Variants in NIPA2 observed in about 807,000 individuals in gnomAD.
The protein encoded by NIPA2 is NIPA magnesium transporter 2.
In NIPA2, 11 loss-of-function variants were observed where a neutral mutation model predicts 29.7. The ratio of observed to expected loss-of-function variants is 0.37; its 90% CI spans 0.23 to 0.61. NIPA2 has a LOEUF of 0.61. NIPA2 is among the 20% of genes least tolerant of loss of function. The pLI is 0.66. For missense variants in NIPA2, 426 were observed against 437.9 expected (o/e 0.97, Z 0.24); for synonymous variants, 183 against 161.9 (o/e 1.13, Z -0.99).
chr15:22,859,208 A>C (rs539542596), intron 6 of NIPA2, among the ~76,000 whole-genome samples: 5 of 152,246 alleles, frequency 3.3e-5, no homozygotes, highest in African/African-American at 1.2e-4. Flanking sequence ...GTAAAATTCA[A>C]AGTTACACTC....
At chr15:22,857,622 A>C (rs1295941619) in intron 5 of NIPA2, among the ~76,000 whole-genome samples, 1 of 151,456 alleles carries the variant, frequency 6.6e-6, no homozygotes, top group Non-Finnish European at 1.5e-5. Flanking sequence ...GGATCATTTG[A>C]GGTCAGGAGT....
intron 3 of NIPA2, among the ~76,000 whole-genome samples, chr15:22,848,115 A>T (rs1805042981): frequency 6.6e-6 from 1 of 152,108 alleles, no homozygotes; most frequent in Non-Finnish European, 1.5e-5. Context: ...TTTATGTTGG[A>T]TGATCTTAAG....
chr15:22,865,246 G>A (rs932524791), intron 7 of NIPA2, among the ~76,000 whole-genome samples: 4 of 151,752 alleles, frequency 2.6e-5, no homozygotes, highest in Admixed American at 1.3e-4. Flanking sequence ...CAGCACTTTG[G>A]GAGGCCAGAG....
chr15:22,856,656 C>T (rs2058199945), intron 5 of NIPA2, among the ~76,000 whole-genome samples: 1 of 152,086 alleles, frequency 6.6e-6, no homozygotes, highest in South Asian at 2.1e-4. Flanking sequence ...TAAAGAATTA[C>T]CTTAAATCAA....
rs148100299 is a variant in NIPA2, at chr15:22,865,555, A to C, written c.449-658A>C. 1.5e-4 allele frequency among the ~76,000 whole-genome samples: 23 copies of C among 152,170 alleles called. No individual in the cohort carries two copies. The Middle Eastern group carries it at 0.017, about 113-fold the overall frequency. ...GAGGAAGGAAGAGTAAATTCATGTG[A>C]CTTATCTGGGCCTCAGTTTCCTCAT... On this transcript the variant is annotated intron_variant, in intron 7 of 7. Coordinates refer to ENST00000337451, the MANE Select transcript of NIPA2 (RefSeq NM_030922.7).
chr15:22,840,302 G>GTTTT (rs34852065), intron 2 of NIPA2, among the ~76,000 whole-genome samples: 5 of 129,514 alleles, frequency 3.9e-5, no homozygotes, highest in Admixed American at 1.6e-4. Context: ...TTTTTTTTTT[G>GTTTT]TTTTTTTTTT....
intron 2 of NIPA2, among the ~76,000 whole-genome samples, 151 bp from the exon 3 acceptor site, chr15:22,844,995 C>T (rs146805917): frequency 8.5e-5 from 13 of 152,216 alleles, no homozygotes; most frequent in Non-Finnish European, 1.5e-4. Flanking sequence ...GGATTACTCC[C>T]GAGTCCCCCT....
chr15:22,860,987 T>C (rs970602186), intron 7 of NIPA2, among the ~76,000 whole-genome samples, 198 bp downstream of exon 7: 5 of 152,222 alleles, frequency 3.3e-5, no homozygotes, highest in Admixed American at 6.5e-5. Context: ...TTGTAAGTAG[T>C]GTGCGTATAT....
At chr15:22,863,256 C>A (rs531288536) in intron 7 of NIPA2, among the ~76,000 whole-genome samples, 1 of 151,756 alleles carries the variant, frequency 6.6e-6, no homozygotes, top group South Asian at 2.1e-4. Context: ...ATTTTTGTAT[C>A]TTTTTTTGGT....
intron 3 of NIPA2, among the ~76,000 whole-genome samples, chr15:22,850,614 G>T (rs1009451765): frequency 1.3e-5 from 2 of 152,166 alleles, no homozygotes; most frequent in African/African-American, 4.8e-5. Context: ...TCTTCCTTGT[G>T]AAGCTAGAGA....
At chr15:22,846,852 T>A (rs1898860907) in intron 3 of NIPA2, among the ~76,000 whole-genome samples, 1 of 145,782 alleles carries the variant, frequency 6.9e-6, no homozygotes, top group African/African-American at 2.5e-5. Context: ...TTATTATTAT[T>A]ATTATTTAAA....
At position 22,852,467 on chromosome 15, in the gene NIPA2, T is replaced by TAAAAAAAA. The variant is rs71411211; in HGVS notation, c.139+604_139+611dup. 5.7e-4 allele frequency among the ~76,000 whole-genome samples: 75 copies of TAAAAAAAA among 131,012 alleles called. 1 individual carries two copies. The highest frequency in any genetic ancestry group is 9.0e-4 in the Admixed American group (11 of 12,286). The allele number at this position is 131,012 out of a possible 152,430, so 85.9% of individuals were successfully genotyped here. On this transcript the variant is annotated intron_variant, in intron 4 of 7. Coordinates refer to ENST00000337451, the MANE Select transcript of NIPA2 (RefSeq NM_030922.7). Reference sequence around the variant, plus strand: ...CTGGGTGACAGAGTGAGACTCCGTCTAAAAAAAAAAAAAAGCCATGGTTAA... The same window carrying TAAAAAAAA: ...CTGGGTGACAGAGTGAGACTCCGTCTAAAAAAAAAAAAAAAAAAAAAAGCCATGGTTAA...
chr15:22,844,787 C>G (rs576988766), intron 2 of NIPA2, among the ~76,000 whole-genome samples: 1 of 151,118 alleles, frequency 6.6e-6, no homozygotes, highest in South Asian at 2.1e-4. Context: ...ACAAAAAAGC[C>G]CTTCCCCTCC....
chr15:22,855,631 G>A (rs1417984954), intron 5 of NIPA2, among the ~76,000 whole-genome samples: 2 of 152,136 alleles, frequency 1.3e-5, no homozygotes, highest in Admixed American at 6.5e-5. Context: ...GTGCCTGTGC[G>A]TGATGATAAA....
chr15:22,853,888 G>A (rs2057971943), intron 5 of NIPA2, among the ~76,000 whole-genome samples: 1 of 151,990 alleles, frequency 6.6e-6, no homozygotes. Flanking sequence ...TAATGCAGTG[G>A]CCCATCTCGG....
intron 6 of NIPA2, among the ~76,000 whole-genome samples, chr15:22,859,417 C>G (rs1180772938): frequency 6.6e-6 from 1 of 151,536 alleles, no homozygotes; most frequent in African/African-American, 2.4e-5. Flanking sequence ...CACAGCCTCC[C>G]GAGTAGCTGG....
At chr15:22,846,053 T>C (rs11263680) in intron 3 of NIPA2, among the ~76,000 whole-genome samples, 66,970 of 151,964 alleles carry the variant, frequency 0.44, 16,877 homozygotes, top group Non-Finnish European at 0.56. Flanking sequence ...ACCTTGTCAG[T>C]GAGAGAGGGA....
chr15:22,860,838 G>T, intron 7 of NIPA2, 49 bp downstream of exon 7: 1 of 1,428,056 alleles, frequency 7.0e-7, no homozygotes, highest in African/African-American at 1.5e-5. Flanking sequence ...TTTTAACTTA[G>T]TTTTTACTTT....
At chr15:22,856,326 T>C (rs1028715298) in intron 5 of NIPA2, among the ~76,000 whole-genome samples, 4 of 151,842 alleles carry the variant, frequency 2.6e-5, no homozygotes, top group African/African-American at 9.7e-5. Context: ...ATTTCTAGAG[T>C]ATTCAGTTAA....
Sources: allele counts gnomAD v4.1 joint callset (sites outside exome capture counted in the v4.1 genomes callset), GRCh38; gene constraint gnomAD v4.1.1; transcripts MANE v1.5; gene names NCBI Gene and HGNC (gene_info 2026-07-23, HGNC 2026-07-21).